The following LILRB2 variants were observed in gnomAD, a reference collection of about 807,000 sequenced individuals.
The protein encoded by LILRB2 is leukocyte immunoglobulin like receptor B2.
LILRB2 carries 47 observed loss-of-function variants against 72.7 expected under a neutral mutation model. That is an observed-to-expected ratio of 0.65 (90% CI 0.51 to 0.82). The LOEUF (loss-of-function observed/expected upper bound fraction) is 0.82, where lower values mean the gene tolerates loss of function less well. Among genes scored for constraint, LILRB2 ranks in the 40% least tolerant of loss-of-function variants. LILRB2 has a pLI of 0.00. For missense variants in LILRB2, 767 were observed against 764.8 expected (o/e 1.00, Z -0.03); for synonymous variants, 279 against 313.7 (o/e 0.89, Z 1.17).
rs554694956 is a variant in LILRB2, at chr19:54,275,219, C to G, written c.1648-390G>C. 5.9e-3 allele frequency: 6,362 copies of G among 1,079,018 alleles called. 27 individuals are homozygous for G. Among genetic ancestry groups the G allele is most frequent in the Non-Finnish European group, 7.3e-3 (5,525 of 759,838 alleles). 66.8% of individuals were successfully genotyped at this position (1,079,018 alleles called of 1,614,324 possible). Reference sequence around the variant, plus strand: ...CCGTGGAGGGTCTGGCCGCTCCCTTCCTGTGGTTCTGGCCTCTGCTCCTCA... The same window carrying G: ...CCGTGGAGGGTCTGGCCGCTCCCTTGCTGTGGTTCTGGCCTCTGCTCCTCA... On this transcript the variant is annotated intron_variant, in intron 13 of 13. Coordinates refer to ENST00000314446, the MANE Select transcript of LILRB2 (RefSeq NM_001080978.4).
rs778625766 is a variant in LILRB2, at chr19:54,277,603, G to C, written c.1310-6C>G. The C allele has an allele frequency of 1.9e-6, 3 of 1,570,206 alleles. No individual in the cohort carries two copies. The highest frequency in any genetic ancestry group is 1.9e-5 in the Admixed American group (1 of 53,752). The stretch of plus-strand genomic sequence containing the variant: ...GAGGGGCTGGTCCTCAGGGCCTGCT[G>C]GGTCAGGACGGGGAGGTGAGGGCTG... On this transcript the variant is annotated splice_region_variant and splice_polypyrimidine_tract_variant and intron_variant, in intron 8 of 13. Transcript: ENST00000314446.
chr19:54,277,154 C>G, intron 9 of LILRB2: 1 of 1,505,020 alleles, frequency 6.6e-7, no homozygotes, highest in Non-Finnish European at 9.0e-7. Flanking sequence ...GGGAAGGGAG[C>G]CTGGGAGTCT....
At chr19:54,276,192 C>T in intron 12 of LILRB2, 72 bp downstream of exon 12, 1 of 1,606,964 alleles carries the variant, frequency 6.2e-7, no homozygotes. Context: ...GCCGGTGCCC[C>T]TTTCCCCATT....
chr19:54,278,088 G>T, intron 7 of LILRB2, 149 bp from the exon 8 acceptor site: 1 of 1,130,154 alleles, frequency 8.8e-7, no homozygotes, highest in Non-Finnish European at 1.2e-6. Flanking sequence ...ATGCCGCTGA[G>T]TGTGCGCAGG....
intron 9 of LILRB2, 153 bp downstream of exon 9, chr19:54,277,397 A>G: frequency 7.7e-7 from 1 of 1,290,622 alleles, no homozygotes; most frequent in Non-Finnish European, 1.1e-6. Context: ...TCCCACCTGC[A>G]GGCCTCTCTC....
At position 54,274,624 on chromosome 19, in the gene LILRB2, G is replaced by T; in HGVS notation, c.*59C>A. ...TTGGTGTCCACTGGGGGCAGCTCCC[G>T]TGCCTTCAGCAGTCCTGAGTCTCCT... On this transcript the variant is annotated 3_prime_UTR_variant, in exon 14 of 14. Coordinates refer to ENST00000314446, the MANE Select transcript of LILRB2 (RefSeq NM_001080978.4). The T allele has an allele frequency of 6.2e-7, 1 of 1,612,190 alleles. No homozygotes were observed.
rs1261780184 is a variant in LILRB2, at chr19:54,276,588, C to G, written c.1481-132G>C. 7.6e-6 allele frequency: 11 copies of G among 1,444,850 alleles called. No individual in the cohort carries two copies. The East Asian group carries it at 2.3e-4, about 30-fold the overall frequency. The allele number at this position is 1,444,850 out of a possible 1,614,324, so 89.5% of individuals were successfully genotyped here. ...TGTTCCAAATGCCTCATGAGATGGA[C>G]AGAGTCCGAAGGACACTTTACATTT... On this transcript the variant is annotated intron_variant, in intron 10 of 13. Transcript: ENST00000314446.
At chr19:54,275,825 G>C (rs542571897) in intron 13 of LILRB2, 126 bp downstream of exon 13, 9 of 1,266,482 alleles carry the variant, frequency 7.1e-6, no homozygotes, top group Non-Finnish European at 1.0e-5. Flanking sequence ...GGGAGGCAGC[G>C]TGCTGGACAA....
At chr19:54,280,601 G>A in intron 1 of LILRB2, 57 bp from the exon 2 acceptor site, 1 of 1,565,834 alleles carries the variant, frequency 6.4e-7, no homozygotes, top group Non-Finnish European at 8.8e-7. Flanking sequence ...CACCCTGTGT[G>A]GACACTCAGA....
rs1305743830 is a variant in LILRB2 at position 54,278,523 on chromosome 19, C to T, written c.995G>A (p.Gly332Asp). 8.7e-6 allele frequency: 14 copies of T among 1,614,252 alleles called. No homozygotes were observed. Among genetic ancestry groups the T allele is most frequent in the African/African-American group, 1.3e-5 (1 of 75,076 alleles). The change falls in exon 7 of 14, where the codon GGC becomes GAC. Residue 332 changes from glycine to aspartate, a missense_variant. By Grantham distance (94) the Gly-to-Asp change is moderately conservative. Coordinates refer to ENST00000314446, the MANE Select transcript of LILRB2 (RefSeq NM_001080978.4). ...GTTCTCTCCTGAGGCCACTGTGGGG[C>T]CTGGCTGCACTGAGATGAAGGGTGT... Reference protein sequence around the residue: ...RGTPFISVQPGPTVASGENVT... With the variant: ...RGTPFISVQPDPTVASGENVT...
intron 13 of LILRB2, 95 bp downstream of exon 13, chr19:54,275,856 T>C (rs1262012228): frequency 4.0e-6 from 6 of 1,490,060 alleles, no homozygotes; most frequent in Non-Finnish European, 5.6e-6. Context: ...ACCGTGACGA[T>C]GCTGAGAGCC....
intron 6 of LILRB2, 44 bp downstream of exon 6, chr19:54,278,768 T>A: frequency 6.2e-7 from 1 of 1,604,212 alleles, no homozygotes; most frequent in East Asian, 2.2e-5. Context: ...CGGCAGGGCC[T>A]GTGCAGAGTC....
rs1424910675 is a variant in LILRB2, at chr19:54,279,773, C to T, written c.355+18G>A. ...TGAGGGCAGAGCCTGGGGCTGGGATCCCTGAGTGTCCTCTCACCTGTCATC... is the reference window on the plus strand; with the variant it reads ...TGAGGGCAGAGCCTGGGGCTGGGATTCCTGAGTGTCCTCTCACCTGTCATC... On this transcript the variant is annotated intron_variant, in intron 4 of 13. Transcript: ENST00000314446. The T allele has an allele frequency of 2.5e-6, 4 of 1,613,478 alleles. No individual in the cohort carries two copies. Among genetic ancestry groups the T allele is most frequent in the Non-Finnish European group, 3.4e-6 (4 of 1,179,594 alleles).
chr19:54,279,847 T>A lies in LILRB2; in HGVS notation c.299A>T (p.Tyr100Phe), dbSNP rs201322828. 6.2e-7 allele frequency: 1 copy of A among 1,613,978 alleles called. No homozygotes were observed. Among genetic ancestry groups the A allele is most frequent in the African/African-American group, 1.3e-5 (1 of 74,910 alleles). The change falls in exon 4 of 14, where the codon TAT becomes TTT. Residue 100 changes from tyrosine (Y) to phenylalanine (F), a missense_variant. By Grantham distance (22) the Tyr-to-Phe change is conservative. Transcript: ENST00000314446. ...CTCAGACCACCGAGCGCGGCTGTAA[T>A]ACTGACAGCCATATCGCCCTGTGTG... Reference protein sequence around the residue: ...WEHTGRYGCQYYSRARWSELS... With the variant: ...WEHTGRYGCQFYSRARWSELS...
intron 13 of LILRB2, chr19:54,275,041 T>C (rs1161944026): frequency 6.2e-7 from 1 of 1,607,602 alleles, no homozygotes; most frequent in Non-Finnish European, 8.5e-7. Flanking sequence ...TGTCACTGCC[T>C]GGGGGTCTTC....
At chr19:54,278,180 A>C in intron 7 of LILRB2, 80 bp downstream of exon 7, 1 of 1,570,134 alleles carries the variant, frequency 6.4e-7, no homozygotes. Flanking sequence ...CGCTCACTCC[A>C]TCCCAGCCCA....
chr19:54,278,759 G>C (rs887942143), intron 6 of LILRB2, 53 bp downstream of exon 6: 19 of 1,412,618 alleles, frequency 1.3e-5, no homozygotes, highest in South Asian at 5.7e-5. Flanking sequence ...GGATTCCCCC[G>C]GCAGGGCCTG....
In LILRB2 at chr19:54,276,400, C is replaced by G; in HGVS notation, c.1537G>C (p.Asp513His). 6.2e-7 allele frequency: 1 copy of G among 1,602,850 alleles called. No homozygotes were observed. Among genetic ancestry groups the G allele is most frequent in the Non-Finnish European group, 8.5e-7 (1 of 1,171,020 alleles). ...PAGAVGPEPT[D>H]RGLQWRSSPA... Reference sequence around the variant, plus strand: ...AATTACCTCCACTGCAGGCCTCTGTCTGTGGGCTCTGGCCCCACAGCCCCT... The same window carrying G: ...AATTACCTCCACTGCAGGCCTCTGTGTGTGGGCTCTGGCCCCACAGCCCCT... The change falls in exon 11 of 14, where the codon GAC (aspartate) becomes CAC (histidine). Residue 513 changes from aspartate to histidine, a missense_variant. By Grantham distance (81) the Asp-to-His change is moderately conservative. Coordinates refer to ENST00000314446, the MANE Select transcript of LILRB2 (RefSeq NM_001080978.4).
chr19:54,278,365 G>A lies in LILRB2; in HGVS notation c.1153C>T (p.Pro385Ser), dbSNP rs780409400. The A allele has an allele frequency of 1.9e-6, 3 of 1,614,192 alleles. No individual in the cohort carries two copies. The South Asian group carries it at 3.3e-5, about 18-fold the overall frequency. ...GTCCCCGCGTGGGCTGAGGTCACAGGACTCATGGGGAATTCAGCCTGGTAC... is the reference window on the plus strand; with the variant it reads ...GTCCCCGCGTGGGCTGAGGTCACAGAACTCATGGGGAATTCAGCCTGGTAC... The part of the protein sequence containing the change: ...PKYQAEFPMS[P>S]VTSAHAGTYR... The change falls in exon 7 of 14, where the codon CCT becomes TCT. Residue 385 changes from proline to serine, a missense_variant. This residue lies in a region of LILRB2 where 599 missense variants were observed against 568.2 expected (regional missense o/e 1.05). Transcript: ENST00000314446.
Sources: gnomAD v4.1 joint callset for allele counts on GRCh38, gnomAD v4.1.1 for gene constraint, gnomAD v4.1.1 regional missense constraint, MANE v1.5 for transcripts, NCBI Gene and HGNC (gene_info 2026-07-23, HGNC 2026-07-21) for gene names.